The following UNC80 variants were observed in gnomAD, a reference collection of about 807,000 sequenced individuals.
The protein encoded by UNC80 is protein unc-80 homolog.
In UNC80, 164 loss-of-function variants were observed where a neutral mutation model predicts 384.6. The observed-to-expected ratio is 0.43, with a 90% CI of 0.38 to 0.49. The LOEUF is 0.49. Ranked by LOEUF, UNC80 falls within the 20% of genes least tolerant of loss-of-function variation. The pLI is 0.00. For synonymous variants in UNC80, 1,486 were observed against 1,527.8 expected, an observed-to-expected ratio of 0.97 and a Z score of 0.64; for missense variants, 3,330 against 4,143.0, an observed-to-expected ratio of 0.80 and a Z score of 5.39.
At chr2:209,791,001 A>G (rs111720412) in intron 6 of UNC80, among the ~76,000 whole-genome samples, 4 of 152,314 alleles carry the variant, frequency 2.6e-5, no homozygotes, top group African/African-American at 4.8e-5. Context: ...TGAAATACAT[A>G]CATCTCATAT....
chr2:209,809,496 G>C, intron 7 of UNC80: 2 of 1,222,464 alleles, frequency 1.6e-6, no homozygotes, highest in South Asian at 1.2e-5. Context: ...AGAAGTACCA[G>C]TGCCAGGCGT....
chr2:209,797,534 TG>T (rs1403982426), intron 7 of UNC80, among the ~76,000 whole-genome samples: 2 of 152,216 alleles, frequency 1.3e-5, no homozygotes, highest in Admixed American at 1.3e-4. Flanking sequence ...TACTATTCCA[TG>T]GTATATATGT....
In UNC80 at chr2:209,921,655, A is replaced by C. The variant is rs77584629; in HGVS notation, c.5499A>C (p.Thr1833=). 6.4e-7 allele frequency: 1 copy of C among 1,551,294 alleles called. No homozygotes were observed. Among genetic ancestry groups the C allele is most frequent in the African/African-American group, 1.4e-5 (1 of 73,026 alleles). ...CCCAGGAGGCTTGCTATGAGCCCAC[A>C]TGCACGCCCAACTCAGAACCGGAAG... is the stretch of plus-strand genomic sequence containing the variant. ...PITQEACYEP[T]CTPNSEPEEE... Residue 1833 remains threonine, a synonymous_variant, in exon 34 of 65, where the codon ACA becomes ACC. Coordinates refer to ENST00000673920, the MANE Select transcript of UNC80 (RefSeq NM_001371986.1).
chr2:209,844,064 C>A (rs893627752), intron 21 of UNC80, among the ~76,000 whole-genome samples: 2 of 151,982 alleles, frequency 1.3e-5, no homozygotes, highest in Non-Finnish European at 2.9e-5. Flanking sequence ...AAGAATCTTC[C>A]TAATAACCAG....
At position 209,777,484 on chromosome 2, in the gene UNC80, A is replaced by G. The variant is rs1284501303; in HGVS notation, c.525A>G (p.Arg175=). The change falls in exon 4 of 65, where the codon AGA becomes AGG. Residue 175 remains arginine (R), a synonymous_variant. Coordinates refer to ENST00000673920, the MANE Select transcript of UNC80 (RefSeq NM_001371986.1). ...SSNDEEENNR[R]KIFQNSMATV... ...ATGACGAAGAAGAGAACAACCGAAG[A>G]AAGATCTTCCAGAACTCCATGGCTA... 1 of 1,614,178 alleles carries G rather than the reference A, an allele frequency of 6.2e-7. No individual in the cohort carries two copies. The highest frequency in any genetic ancestry group is 1.3e-5 in the African/African-American group (1 of 75,044).
intron 60 of UNC80, among the ~76,000 whole-genome samples, chr2:209,983,247 A>G (rs533115074): frequency 2.6e-3 from 397 of 152,298 alleles, no homozygotes; most frequent in Non-Finnish European, 4.5e-3. Context: ...CCTTTCGCAA[A>G]TGGTTCGTGA....
In UNC80 at chr2:209,969,558, A is replaced by G. The variant is rs946282835; in HGVS notation, c.8007-210A>G. ...ATCATCTCTGTTTTTTCTTCAATAG[A>G]TTTAGTCGAGTGGGGCAGGCCTGCC... On this transcript the variant is annotated intron_variant, in intron 52 of 64. Coordinates refer to ENST00000673920, the MANE Select transcript of UNC80 (RefSeq NM_001371986.1). The G allele has an allele frequency of 5.2e-6, 3 of 571,626 alleles. No homozygotes were observed. The African/African-American group carries it at 5.7e-5, about 11-fold the overall frequency. 35.4% of individuals were successfully genotyped at this position (571,626 alleles called of 1,614,324 possible).
intron 48 of UNC80, among the ~76,000 whole-genome samples, chr2:209,956,561 CT>C (rs59776009): frequency 1.8e-4 from 27 of 149,830 alleles, no homozygotes; most frequent in Admixed American, 5.3e-4. Flanking sequence ...ATCTTGAATC[CT>C]TTTTTTTTTA....
intron 29 of UNC80, among the ~76,000 whole-genome samples, chr2:209,905,197 C>A (rs1199583555): frequency 6.6e-6 from 1 of 152,006 alleles, no homozygotes; most frequent in Non-Finnish European, 1.5e-5. Flanking sequence ...ATAAATATGA[C>A]TGCATAGGGA....
In UNC80 at chr2:209,996,357, A is replaced by T. The variant is rs550619389; in HGVS notation, c.*762A>T. The T allele has an allele frequency of 4.6e-5, 7 of 152,330 alleles. No individual in the cohort carries two copies. The East Asian group carries it at 9.6e-4, about 21-fold the overall frequency. The allele number at this position is 152,330 out of a possible 1,614,324, so 9.4% of individuals were successfully genotyped here. A position where few individuals can be genotyped will look rare whatever the true frequency, so the allele number is the denominator to read the frequency against. On this transcript the variant is annotated 3_prime_UTR_variant, in exon 65 of 65. Transcript: ENST00000673920. ...AACCTAAACAGCCTATACAATTATA[A>T]AAACTAAATGTATATATAATCACTT...
chr2:209,812,845 A>T (rs1417858751), intron 7 of UNC80, among the ~76,000 whole-genome samples: 1 of 152,238 alleles, frequency 6.6e-6, no homozygotes, highest in African/African-American at 2.4e-5. Flanking sequence ...ACTACTTTGT[A>T]GTAGAATTAA....
chr2:209,954,898 T>A lies in UNC80; in HGVS notation c.7457+628T>A, dbSNP rs148689442. On this transcript the variant is annotated intron_variant, in intron 48 of 64. Coordinates refer to ENST00000673920, the MANE Select transcript of UNC80 (RefSeq NM_001371986.1). Reference sequence around the variant, plus strand: ...TCAGCCCTAAACAAAGTTCAAGCAGTTAGTCCTGTCGCAAGATGCTTGGGT... The same window carrying A: ...TCAGCCCTAAACAAAGTTCAAGCAGATAGTCCTGTCGCAAGATGCTTGGGT... Among the ~76,000 whole-genome samples the A allele has an allele frequency of 1.7e-3, 255 of 152,266 alleles. 1 individual carries two copies. Among genetic ancestry groups the A allele is most frequent in the Middle Eastern group, 6.8e-3 (2 of 294 alleles).
chr2:209,980,605 A>G (rs1342242154), intron 59 of UNC80, among the ~76,000 whole-genome samples: 1 of 152,222 alleles, frequency 6.6e-6, no homozygotes, highest in Admixed American at 6.5e-5. Flanking sequence ...GTTGTTTTGA[A>G]TTAAACTTTC....
chr2:209,847,788 A>G (rs2082268522), intron 21 of UNC80, among the ~76,000 whole-genome samples: 1 of 152,046 alleles, frequency 6.6e-6, no homozygotes, highest in Non-Finnish European at 1.5e-5. Context: ...AATTTGATAA[A>G]TAAGAATAAC....
chr2:209,828,814 T>C (rs1320411162), intron 14 of UNC80, among the ~76,000 whole-genome samples: 2 of 152,230 alleles, frequency 1.3e-5, no homozygotes, highest in Non-Finnish European at 2.9e-5. Flanking sequence ...TTGTCTCTTT[T>C]ATTCAGATAT....
At chr2:209,885,583 G>C (rs1241333503) in intron 25 of UNC80, among the ~76,000 whole-genome samples, 1 of 151,948 alleles carries the variant, frequency 6.6e-6, no homozygotes, top group Admixed American at 6.6e-5. Context: ...TTCTCAAAGG[G>C]ATTAATTTCA....
chr2:209,784,332 G>A (rs995528416), intron 4 of UNC80, among the ~76,000 whole-genome samples: 2 of 152,110 alleles, frequency 1.3e-5, no homozygotes, highest in African/African-American at 4.8e-5. Flanking sequence ...ATCCAGTCAT[G>A]TCACTCTGCT....
At chr2:209,956,095 TTTA>T (rs1470185168) in intron 48 of UNC80, among the ~76,000 whole-genome samples, 1 of 152,112 alleles carries the variant, frequency 6.6e-6, no homozygotes, top group Non-Finnish European at 1.5e-5. Context: ...TCTATACCTT[TTTA>T]TAAGGATAAG....
chr2:209,874,789 A>G (rs760116097), intron 23 of UNC80, among the ~76,000 whole-genome samples: 4 of 152,196 alleles, frequency 2.6e-5, no homozygotes, highest in Admixed American at 6.5e-5. Context: ...CCAGACCTAC[A>G]TTGCCAGCTG....
Sources: allele counts gnomAD v4.1 joint callset (sites outside exome capture counted in the v4.1 genomes callset), GRCh38; gene constraint gnomAD v4.1.1; transcripts MANE v1.5; gene names NCBI Gene and HGNC (gene_info 2026-07-23, HGNC 2026-07-21).